PCDH15: variants seen among roughly 807,000 people sequenced by gnomAD.
PCDH15 encodes protocadherin related 15.
PCDH15 carries 129 observed loss-of-function variants against 178.5 expected under a neutral mutation model. That is an observed-to-expected ratio of 0.72 (90% CI 0.63 to 0.84). The LOEUF (loss-of-function observed/expected upper bound fraction) is 0.84. Among genes scored for constraint, PCDH15 ranks in the 40% least tolerant of loss-of-function variants. The probability of loss-of-function intolerance (pLI) is 0.00; values close to 1 mark genes in which losing one functional copy is unlikely to be tolerated. For synonymous variants in PCDH15, 800 were observed against 732.0 expected (o/e 1.09, Z -1.50); for missense variants, 2,230 against 2,099.9 (o/e 1.06, Z -1.21).
chr10:55,465,234 A>C (rs1565167687), intron 2 of PCDH15, among the ~76,000 whole-genome samples: 1 of 152,164 alleles, frequency 6.6e-6, no homozygotes, highest in Non-Finnish European at 1.5e-5. Flanking sequence ...AGAAGTGTTG[A>C]GTGGCATTCT....
intron 2 of PCDH15, among the ~76,000 whole-genome samples, chr10:55,435,858 G>T (rs918272988): frequency 6.6e-6 from 1 of 151,972 alleles, no homozygotes; most frequent in Non-Finnish European, 1.5e-5. Context: ...AAATAATTTT[G>T]CTTAATTACT....
intron 2 of PCDH15, among the ~76,000 whole-genome samples, chr10:55,055,790 C>T (rs943682273): frequency 4.6e-5 from 7 of 151,586 alleles, no homozygotes; most frequent in African/African-American, 9.7e-5. Flanking sequence ...ACCTGGGTGA[C>T]GGAGTGAGCC....
intron 26 of PCDH15, among the ~76,000 whole-genome samples, chr10:53,877,936 T>C (rs1157783658): frequency 1.3e-5 from 2 of 152,114 alleles, no homozygotes; most frequent in Non-Finnish European, 1.5e-5. Flanking sequence ...AAATTACTGA[T>C]AGCTCCCACT....
chr10:54,380,399 T>C (rs1949031600), intron 3 of PCDH15, among the ~76,000 whole-genome samples: 2 of 151,548 alleles, frequency 1.3e-5, no homozygotes, highest in Non-Finnish European at 2.9e-5. Flanking sequence ...CCTATAAATA[T>C]GTTCAAGAAT....
intron 2 of PCDH15, among the ~76,000 whole-genome samples, chr10:54,961,405 C>A (rs117517404): frequency 3.3e-5 from 5 of 152,158 alleles, no homozygotes; most frequent in African/African-American, 1.2e-4. Context: ...TTGATGGTGG[C>A]GAGAGGCAGG....
At chr10:54,280,157 G>T (rs921142087) in intron 8 of PCDH15, among the ~76,000 whole-genome samples, 2 of 151,590 alleles carry the variant, frequency 1.3e-5, no homozygotes, top group Non-Finnish European at 3.0e-5. Flanking sequence ...CACTTACAAG[G>T]TCACAGGATT....
intron 3 of PCDH15, among the ~76,000 whole-genome samples, chr10:54,519,295 T>C (rs553924363): frequency 0.02 from 3,023 of 152,268 alleles, 99 homozygotes; most frequent in African/African-American, 0.068. Context: ...GATGACATGA[T>C]TGTATATTTA....
At chr10:55,511,047 G>GT (rs941394422) in intron 2 of PCDH15, among the ~76,000 whole-genome samples, 1 of 149,868 alleles carries the variant, frequency 6.7e-6, no homozygotes, top group African/African-American at 2.5e-5. Flanking sequence ...TTGTTTGTTT[G>GT]TTTGTTTTTT....
At chr10:54,803,632 C>T (rs1952727324), upstream of PCDH15, among the ~76,000 whole-genome samples, 1 of 152,170 alleles carries the variant, frequency 6.6e-6, no homozygotes, top group South Asian at 2.1e-4. Flanking sequence ...ACTAGACACA[C>T]TGCTCATACA....
chr10:54,836,701 A>C (rs1953323022), intron 3 of PCDH15, among the ~76,000 whole-genome samples: 1 of 152,132 alleles, frequency 6.6e-6, no homozygotes, highest in African/African-American at 2.4e-5. Context: ...AAACTAAATC[A>C]ATTCAAAAAA....
chr10:54,287,597 A>T (rs1226320681), intron 8 of PCDH15, among the ~76,000 whole-genome samples: 2 of 152,228 alleles, frequency 1.3e-5, no homozygotes, highest in East Asian at 3.9e-4. Context: ...TTAAAACAAA[A>T]TTTATTTTTG....
chr10:54,069,172 G>A (rs972702282), intron 17 of PCDH15, among the ~76,000 whole-genome samples: 1 of 152,130 alleles, frequency 6.6e-6, no homozygotes, highest in East Asian at 1.9e-4. Context: ...GAAATTTACA[G>A]CCTGGATCCA....
intron 2 of PCDH15, among the ~76,000 whole-genome samples, chr10:55,437,812 T>C (rs934165771): frequency 2.0e-5 from 3 of 151,230 alleles, no homozygotes; most frequent in Non-Finnish European, 2.9e-5. Flanking sequence ...ATGGACCAAA[T>C]TGTCTTTCTT....
chr10:54,035,451 A>G (rs2135461447), intron 18 of PCDH15, among the ~76,000 whole-genome samples: 1 of 152,024 alleles, frequency 6.6e-6, no homozygotes, highest in East Asian at 1.9e-4. Flanking sequence ...ATGATTAGTG[A>G]TCTTTTAAGT....
chr10:53,945,611 A>G (rs1260487526), intron 23 of PCDH15, among the ~76,000 whole-genome samples: 3 of 151,718 alleles, frequency 2.0e-5, no homozygotes, highest in Admixed American at 1.3e-4. Context: ...CTCTACTTTC[A>G]TGAGTTCAGC....
At chr10:55,050,757 C>G (rs1564749165) in intron 2 of PCDH15, among the ~76,000 whole-genome samples, 1 of 152,056 alleles carries the variant, frequency 6.6e-6, no homozygotes, top group African/African-American at 2.4e-5. Flanking sequence ...CCTGCGTAGG[C>G]AGTCTGAAAA....
At chr10:54,221,608 T>A (rs1168350965) in intron 9 of PCDH15, among the ~76,000 whole-genome samples, 1 of 152,062 alleles carries the variant, frequency 6.6e-6, no homozygotes, top group Non-Finnish European at 1.5e-5. Flanking sequence ...TTCTTTTTTT[T>A]TTTTTTAATT....
chr10:54,492,348 T>G (rs2079678740), intron 3 of PCDH15, among the ~76,000 whole-genome samples: 1 of 152,198 alleles, frequency 6.6e-6, no homozygotes, highest in Admixed American at 6.6e-5. Context: ...TCTTCAGGTC[T>G]CTGTAAATTG....
intron 1 of PCDH15, among the ~76,000 whole-genome samples, chr10:55,306,200 A>T (rs1436011133): frequency 6.6e-6 from 1 of 152,222 alleles, no homozygotes. Flanking sequence ...AGAATCAACC[A>T]TGAGCCATCA....
Sources: gnomAD v4.1 joint callset for allele counts (sites outside exome capture counted in the v4.1 genomes callset) on GRCh38, gnomAD v4.1.1 for gene constraint, MANE v1.5 for transcripts, NCBI Gene and HGNC (gene_info 2026-07-23, HGNC 2026-07-21) for gene names.